HSPA12A: variants seen among roughly 807,000 people sequenced by gnomAD.
The protein encoded by HSPA12A is heat shock 70 kDa protein 12A.
A neutral mutation model predicts 69.2 loss-of-function variants in HSPA12A; 28 were observed. The observed-to-expected ratio is 0.40, with a 90% CI of 0.30 to 0.55. HSPA12A has a LOEUF of 0.55. Among genes scored for constraint, HSPA12A ranks in the 20% least tolerant of loss-of-function variants. The pLI, the probability that HSPA12A is intolerant of heterozygous loss-of-function variation, is 0.38. For synonymous variants in HSPA12A, 345 were observed against 370.5 expected (o/e 0.93, Z 0.79); for missense variants, 686 against 900.7 (o/e 0.76, Z 3.05).
intron 3 of HSPA12A, among the ~76,000 whole-genome samples, chr10:116,701,919 T>A (rs1427232525): frequency 6.6e-6 from 1 of 152,136 alleles, no homozygotes; most frequent in Admixed American, 6.5e-5. Flanking sequence ...TCAGAGCTGC[T>A]GTTCATAAGG....
rs1038608161 is a variant in HSPA12A at position 116,845,711 on chromosome 10, T to C, written c.3+3855A>G. On this transcript the variant is annotated intron_variant, in intron 1 of 12. Transcript: ENST00000635765. ...GCTCAGAGATGCTCTGGAAATGCCC[T>C]AAGACATTTAATCTCAATATGAAAT... 3.3e-5 allele frequency among the ~76,000 whole-genome samples: 5 copies of C among 152,266 alleles called. No individual in the cohort carries two copies. In the East Asian group the frequency reaches 7.7e-4, roughly 24 times the overall value.
At chr10:116,721,893 C>A (rs10886005) in intron 1 of HSPA12A, among the ~76,000 whole-genome samples, 1 of 152,144 alleles carries the variant, frequency 6.6e-6, no homozygotes, top group African/African-American at 2.4e-5. Flanking sequence ...AATGAGTGAA[C>A]ACACGTGGCC....
Position 116,740,675 on chromosome 10 carries a change from TCTGTGTGTGTGTGTGTGTGTGC to T in HSPA12A, c.40+1733_40+1754del, listed in dbSNP as rs1369368053. Among the ~76,000 whole-genome samples, 20 of 5,248 alleles carry T rather than the reference TCTGTGTGTGTGTGTGTGTGTGC, an allele frequency of 3.8e-3. No homozygotes were observed. The East Asian group carries it at 0.08, about 21-fold the overall frequency. 3.4% of individuals were successfully genotyped at this position (5,248 alleles called of 152,430 possible). ...GTGTGTGTGTGTGTGTGTGTGTGTGTCTGTGTGTGTGTGTGTGTGTGCGTGTGTGTGTGTGTTAGGATAGGGG... is the reference window on the plus strand; with the variant it reads ...GTGTGTGTGTGTGTGTGTGTGTGTGTGTGTGTGTGTGTGTTAGGATAGGGG... On this transcript the variant is annotated intron_variant, in intron 1 of 11. Transcript: ENST00000369209.
chr10:116,719,526 G>A (rs1850710348), intron 1 of HSPA12A, among the ~76,000 whole-genome samples: 1 of 152,166 alleles, frequency 6.6e-6, no homozygotes, highest in African/African-American at 2.4e-5. Flanking sequence ...AACAAGACAG[G>A]ATCAGGTTTT....
intron 6 of HSPA12A, among the ~76,000 whole-genome samples, chr10:116,687,816 C>A (rs1208629888): frequency 1.3e-5 from 2 of 152,196 alleles, no homozygotes; most frequent in African/African-American, 4.8e-5. Context: ...ACTACTCCCA[C>A]GTGAGCCCTC....
At position 116,676,425 on chromosome 10, in the gene HSPA12A, G is replaced by A. The variant is rs563208781; in HGVS notation, c.1364C>T (p.Thr455Ile). 2 of 1,613,920 alleles carry A rather than the reference G, an allele frequency of 1.2e-6. No individual in the cohort carries two copies. The highest frequency in any genetic ancestry group is 2.2e-5 in the East Asian group (1 of 44,878). The change falls in exon 11 of 12, where the codon ACC (threonine) becomes ATC (isoleucine). Residue 455 changes from threonine (T) to isoleucine (I), a missense_variant. Coordinates refer to ENST00000369209, the MANE Select transcript of HSPA12A (RefSeq NM_025015.3). Reference sequence around the variant, plus strand: ...GAGATGCTCAATGATGCTATCGATGGTCGGCTTAAAAAGGGCGTTCATGGC... The same window carrying A: ...GAGATGCTCAATGATGCTATCGATGATCGGCTTAAAAAGGGCGTTCATGGC... Reference protein sequence around the residue: ...PDAMNALFKPTIDSIIEHLRD... With the variant: ...PDAMNALFKPIIDSIIEHLRD...
intron 2 of HSPA12A, among the ~76,000 whole-genome samples, chr10:116,800,675 G>A (rs139038083): frequency 1.3e-4 from 20 of 152,300 alleles, no homozygotes; most frequent in African/African-American, 4.6e-4. Context: ...GGAAAAAATG[G>A]GGTCCTTTAC....
chr10:116,789,437 A>G (rs1487969893), intron 2 of HSPA12A, among the ~76,000 whole-genome samples: 4 of 152,250 alleles, frequency 2.6e-5, no homozygotes, highest in Non-Finnish European at 4.4e-5. Context: ...AAGGATGAGT[A>G]TAAGTTGTAG....
intron 1 of HSPA12A, among the ~76,000 whole-genome samples, chr10:116,839,435 G>T (rs1845768145): frequency 6.6e-6 from 1 of 151,972 alleles, no homozygotes; most frequent in African/African-American, 2.4e-5. Flanking sequence ...AGCCAAAGGA[G>T]TCTTCCCATA....
At chr10:116,769,459 G>T (rs1317435036) in intron 2 of HSPA12A, among the ~76,000 whole-genome samples, 1 of 152,188 alleles carries the variant, frequency 6.6e-6, no homozygotes, top group Non-Finnish European at 1.5e-5. Flanking sequence ...GGGGTGAAAG[G>T]TCCCCACCTT....
At chr10:116,839,755 T>C (rs1845775612) in intron 1 of HSPA12A, among the ~76,000 whole-genome samples, 1 of 152,104 alleles carries the variant, frequency 6.6e-6, no homozygotes, top group Non-Finnish European at 1.5e-5. Context: ...AGCAATCATA[T>C]GATCATAAAC....
In HSPA12A at chr10:116,849,346, G is replaced by A. The variant is rs550283972; in HGVS notation, c.3+220C>T. Among the ~76,000 whole-genome samples the A allele has an allele frequency of 9.2e-5, 14 of 152,344 alleles. No homozygotes were observed. In the East Asian group the frequency reaches 2.5e-3, roughly 27 times the overall value. ...CCCTAGTCTCGGGAGTCTAGGAGGAGCCCAACCCCCGGACCTAATGCCGCA... is the reference window on the plus strand; with the variant it reads ...CCCTAGTCTCGGGAGTCTAGGAGGAACCCAACCCCCGGACCTAATGCCGCA... On this transcript the variant is annotated intron_variant, in intron 1 of 12. Coordinates refer to the HSPA12A transcript ENST00000635765.
chr10:116,678,262 G>A (rs1849296555), intron 10 of HSPA12A, among the ~76,000 whole-genome samples: 1 of 139,438 alleles, frequency 7.2e-6, no homozygotes, highest in Admixed American at 7.7e-5. Context: ...ATGGGATGCA[G>A]TAGGAGGAAC....
chr10:116,738,287 C>T (rs548603762), intron 1 of HSPA12A, among the ~76,000 whole-genome samples: 8 of 152,318 alleles, frequency 5.3e-5, no homozygotes, highest in South Asian at 4.1e-4. Flanking sequence ...GATGTAGACG[C>T]CATTGCCCTC....
intron 1 of HSPA12A, among the ~76,000 whole-genome samples, chr10:116,720,335 A>T (rs781911033): frequency 2.0e-5 from 3 of 152,192 alleles, no homozygotes; most frequent in Non-Finnish European, 4.4e-5. Flanking sequence ...CCAGTGGTTA[A>T]TCTAGCTGCG....
At chr10:116,794,586 G>GT (rs1297120276) in intron 2 of HSPA12A, among the ~76,000 whole-genome samples, 1 of 152,204 alleles carries the variant, frequency 6.6e-6, no homozygotes, top group Admixed American at 6.5e-5. Flanking sequence ...GGCAAGGTGG[G>GT]TGGATAACTT....
chr10:116,771,617 G>A (rs879959376), intron 2 of HSPA12A, among the ~76,000 whole-genome samples: 3 of 152,200 alleles, frequency 2.0e-5, no homozygotes, highest in Admixed American at 6.5e-5. Flanking sequence ...CGGCAATTGC[G>A]AAATTCCATC....
chr10:116,782,800 CA>C (rs1844492694), intron 2 of HSPA12A, among the ~76,000 whole-genome samples: 1 of 152,126 alleles, frequency 6.6e-6, no homozygotes, highest in Non-Finnish European at 1.5e-5. Flanking sequence ...TCACAGGTGC[CA>C]ACAATGTTCT....
chr10:116,830,887 G>C (rs946616233), intron 2 of HSPA12A: 21 of 152,488 alleles, frequency 1.4e-4, no homozygotes, highest in African/African-American at 5.1e-4. Flanking sequence ...GGCAGGGAGA[G>C]GATATGTACA....
Sources: allele counts gnomAD v4.1 joint callset (sites outside exome capture counted in the v4.1 genomes callset), GRCh38; gene constraint gnomAD v4.1.1; transcripts MANE v1.5; gene names NCBI Gene and HGNC (gene_info 2026-07-23, HGNC 2026-07-21).